Variants in UBR4 observed in about 807,000 individuals in gnomAD.
UBR4 encodes E3 ubiquitin-protein ligase UBR4.
UBR4 carries 124 observed loss-of-function variants against 575.6 expected under a neutral mutation model. That is an observed-to-expected ratio of 0.22 (90% CI 0.19 to 0.25). The LOEUF is 0.25. Ranked by LOEUF, UBR4 falls within the 10% of genes least tolerant of loss-of-function variation. The pLI, the probability that UBR4 is intolerant of heterozygous loss-of-function variation, is 1.00. For missense variants in UBR4, 4,818 were observed against 6,478.8 expected, an observed-to-expected ratio of 0.74 and a Z score of 8.80; for synonymous variants, 2,455 against 2,473.7, an observed-to-expected ratio of 0.99 and a Z score of 0.22.
At chr1:19,150,960 CT>C in intron 48 of UBR4, 167 bp from the exon 49 acceptor site, 2 of 704,708 alleles carry the variant, frequency 2.8e-6, no homozygotes, top group Non-Finnish European at 4.7e-6. Flanking sequence ...TGTATATATG[CT>C]GAATACATGT....
chr1:19,190,312 A>AAAAAAAAAAAAAAAATATATATAT, intron 11 of UBR4, among the ~76,000 whole-genome samples: 2 of 79,922 alleles, frequency 2.5e-5, no homozygotes, highest in South Asian at 4.2e-4. Flanking sequence ...AAAAAAAAAA[A>AAAAAAAAAAAAAAAATATATATAT]ATATATATAT....
rs770784407 is a variant in UBR4, at chr1:19,199,696, A to G, written c.333T>C (p.Ser111=). 2.5e-6 allele frequency: 4 copies of G among 1,614,206 alleles called. No individual in the cohort carries two copies. The South Asian group carries it at 4.4e-5, about 18-fold the overall frequency. The part of the protein sequence containing the change: ...AAACKVLIEF[S]LLRLENPDEA... ...CATCTGGATTCTCCAGACGCAGGAG[A>G]GAAAACTCAATTAGAACTTTACAGG... is the stretch of plus-strand genomic sequence containing the variant. Residue 111 remains serine, a synonymous_variant, in exon 3 of 106, where the codon TCT becomes TCC. Coordinates refer to ENST00000375254, the MANE Select transcript of UBR4 (RefSeq NM_020765.3).
chr1:19,201,883 G>T, intron 1 of UBR4, 68 bp from the exon 2 acceptor site: 2 of 1,333,408 alleles, frequency 1.5e-6, no homozygotes, highest in Non-Finnish European at 2.1e-6. Flanking sequence ...ACCCCTTTAT[G>T]GATATTACAT....
intron 48 of UBR4, 194 bp from the exon 49 acceptor site, chr1:19,150,987 G>A: frequency 1.6e-6 from 1 of 630,514 alleles, no homozygotes; most frequent in Non-Finnish European, 2.7e-6. Flanking sequence ...AAGTTCCATG[G>A]ACCAAAAGCC....
Position 19,113,690 on chromosome 1 carries a change from G to A in UBR4, c.11457+9C>T, listed in dbSNP as rs566308544. 52 of 1,613,866 alleles carry A rather than the reference G, an allele frequency of 3.2e-5. No homozygotes were observed. The highest frequency in any genetic ancestry group is 4.2e-5 in the Non-Finnish European group (49 of 1,179,982). ...AAAACACACCCAAAAGCTGCTCCCCGCTCTCTACCTGGATGATTTTGGAGA... is the reference window on the plus strand; with the variant it reads ...AAAACACACCCAAAAGCTGCTCCCCACTCTCTACCTGGATGATTTTGGAGA... On this transcript the variant is annotated intron_variant, in intron 77 of 105. Transcript: ENST00000375254.
At chr1:19,190,014 G>A (rs1446338311) in intron 11 of UBR4, among the ~76,000 whole-genome samples, 1 of 151,870 alleles carries the variant, frequency 6.6e-6, no homozygotes, top group African/African-American at 2.4e-5. Flanking sequence ...TGGCCAGGCA[G>A]ATTGGCTCAT....
rs1202593940 is a variant in UBR4, at chr1:19,076,725, A to C, written c.15487+15T>G. ...GCTGCGGAGGATCTTTAAAAGAGAA[A>C]ACCTTGACACTAACCGGCCACATCG... On this transcript the variant is annotated intron_variant, in intron 105 of 105. Coordinates refer to ENST00000375254, the MANE Select transcript of UBR4 (RefSeq NM_020765.3). 2.5e-6 allele frequency: 4 copies of C among 1,613,928 alleles called. No individual in the cohort carries two copies. The highest frequency in any genetic ancestry group is 3.4e-6 in the Non-Finnish European group (4 of 1,179,990).
rs749584987 is a variant in UBR4, at chr1:19,164,459, G to A, written c.4512-18C>T. On this transcript the variant is annotated intron_variant, in intron 32 of 105. Transcript: ENST00000375254. ...CAACTTGGCTAGGAGAAAAGAAAGA[G>A]CAAGTTGGTGAATAATCAACAGGAA... 249 of 1,606,882 alleles carry A rather than the reference G, an allele frequency of 1.5e-4. No individual in the cohort carries two copies. The highest frequency in any genetic ancestry group is 1.5e-5 in the Non-Finnish European group (18 of 1,176,178).
rs150629185 is a variant in UBR4, at chr1:19,152,449, A to T, written c.6860T>A (p.Phe2287Tyr). 20 of 1,613,838 alleles carry T rather than the reference A, an allele frequency of 1.2e-5. No homozygotes were observed. The highest frequency in any genetic ancestry group is 5.0e-5 in the Admixed American group (3 of 60,002). The part of the protein sequence containing the change: ...ITTRTSSQVT[F>Y]PIDFFEHNQQ... ...GTTGTGTTCAAAAAAGTCAATGGGG[A>T]AAGTCACCTGGCTAGACGTGCGGGT... is the stretch of plus-strand genomic sequence containing the variant. Residue 2287 changes from phenylalanine to tyrosine, a missense_variant, in exon 47 of 106, where the codon TTC (phenylalanine) becomes TAC (tyrosine). Coordinates refer to ENST00000375254, the MANE Select transcript of UBR4 (RefSeq NM_020765.3). The surrounding 1 kb of genome is among the most constrained non-coding windows in gnomAD (Gnocchi z 4.4).
intron 102 of UBR4, among the ~76,000 whole-genome samples, chr1:19,083,549 C>CT (rs987906444): frequency 2.6e-5 from 4 of 151,698 alleles, no homozygotes; most frequent in Non-Finnish European, 4.4e-5. Flanking sequence ...ATTTTTTTTT[C>CT]TTTGAGACAT....
intron 65 of UBR4, among the ~76,000 whole-genome samples, chr1:19,123,965 G>A (rs2149528806): frequency 6.6e-6 from 1 of 152,338 alleles, no homozygotes; most frequent in South Asian, 2.1e-4. Context: ...TCTGCCAACA[G>A]GGAGGGACAC....
intron 53 of UBR4, 73 bp from the exon 54 acceptor site, chr1:19,144,980 GT>G: frequency 6.3e-7 from 1 of 1,578,816 alleles, no homozygotes; most frequent in Non-Finnish European, 8.7e-7. Flanking sequence ...TGAGACAAAA[GT>G]GTAACCTTTT....
intron 87 of UBR4, among the ~76,000 whole-genome samples, chr1:19,102,398 G>A (rs776893289): frequency 1.3e-5 from 2 of 151,894 alleles, no homozygotes; most frequent in Non-Finnish European, 2.9e-5. Context: ...TTACTGGGTG[G>A]GTCTGAATTA....
At chr1:19,155,325 G>T (rs1365369006) in intron 43 of UBR4, 116 bp downstream of exon 43, 1 of 1,154,544 alleles carries the variant, frequency 8.7e-7, no homozygotes, top group East Asian at 2.5e-5. Flanking sequence ...AAGAAAAAAA[G>T]ATCCAGTTAG....
At position 19,185,670 on chromosome 1, in the gene UBR4, T is replaced by G. The variant is rs537092030; in HGVS notation, c.1751-384A>C. ...CTCGCCGCAACCTCCACCTCCCAGG[T>G]TCAAGCGATTCTCCTGCCTCAGTCT... On this transcript the variant is annotated intron_variant, in intron 14 of 105. Transcript: ENST00000375254. Among the ~76,000 whole-genome samples the G allele has an allele frequency of 2.5e-3, 383 of 150,268 alleles. 3 individuals carry two copies. Among genetic ancestry groups the G allele is most frequent in the African/African-American group, 9.0e-3 (366 of 40,718 alleles).
chr1:19,138,225 A>C, intron 59 of UBR4, 44 bp from the exon 60 acceptor site: 3 of 1,458,544 alleles, frequency 2.1e-6, no homozygotes, highest in Non-Finnish European at 2.7e-6. Context: ...CTCCCAAAGC[A>C]TGAAGGAACC....
rs2091264800 is a variant in UBR4, at chr1:19,183,869, G to A, written c.2126C>T (p.Ala709Val). The A allele has an allele frequency of 6.2e-7, 1 of 1,614,156 alleles. No homozygotes were observed. The highest frequency in any genetic ancestry group is 8.5e-7 in the Non-Finnish European group (1 of 1,180,028). Reference protein sequence around the residue: ...KGSSDEEFAAALYHFNHSLVT... With the variant: ...KGSSDEEFAAVLYHFNHSLVT... ...CAGTGAGTGGTTGAAGTGATAGAGA[G>A]CTGCAGCAAACTCTTCATCTGATGA... Residue 709 changes from alanine (A) to valine (V), a missense_variant, in exon 17 of 106, where the codon GCT becomes GTT. Ala to Val is a moderately conservative substitution (Grantham distance 64). Around this residue, in one of 29 missense-constraint regions of UBR4, gnomAD observed 1,172 missense variants for 1,259.7 expected, o/e 0.93. Transcript: ENST00000375254.
rs370607999 is a variant in UBR4 at position 19,149,929 on chromosome 1, G to C, written c.7430+648C>G. The C allele has an allele frequency of 2.6e-4, 115 of 450,000 alleles. 1 individual carries two copies. In the East Asian group the frequency reaches 5.4e-3, roughly 21 times the overall value. The allele number at this position is 450,000 out of a possible 1,614,324, so 27.9% of individuals were successfully genotyped here. ...GAAAGAGAAAGGAAGGGAGGGAGGA[G>C]GCTGGTGGTGGGAGGCAGTGATTCC... is the stretch of plus-strand genomic sequence containing the variant. On this transcript the variant is annotated intron_variant, in intron 49 of 105. Coordinates refer to ENST00000375254, the MANE Select transcript of UBR4 (RefSeq NM_020765.3).
At chr1:19,165,587 C>T (rs2088204196) in intron 30 of UBR4, 69 bp downstream of exon 30, 1 of 1,486,970 alleles carries the variant, frequency 6.7e-7, no homozygotes. Flanking sequence ...CCTAAATCAA[C>T]ATATATAGCT....
Sources: allele counts gnomAD v4.1 joint callset (sites outside exome capture counted in the v4.1 genomes callset), GRCh38; gene constraint gnomAD v4.1.1; regional missense constraint gnomAD v4.1.1; non-coding constraint Gnocchi (gnomAD v3.1); transcripts MANE v1.5; gene names NCBI Gene and HGNC (gene_info 2026-07-23, HGNC 2026-07-21).